Variants in C3orf70 observed in about 807,000 individuals in gnomAD.
C3orf70 encodes the protein chromosome 3 open reading frame 70.
C3orf70 carries 15 observed loss-of-function variants against 20.7 expected under a neutral mutation model. That is an observed-to-expected ratio of 0.72 (90% CI 0.48 to 1.11). The LOEUF is 1.11. Ranked by LOEUF, C3orf70 falls within the 50% of genes most tolerant of loss-of-function variation. C3orf70 has a pLI of 0.00. For missense variants in C3orf70, 332 were observed against 317.6 expected (o/e 1.05, Z -0.34); for synonymous variants, 161 against 125.7 (o/e 1.28, Z -1.88).
chr3:185,123,311 A>G (rs746096126), intron 1 of C3orf70, among the ~76,000 whole-genome samples: 36 of 152,020 alleles, frequency 2.4e-4, no homozygotes, highest in Non-Finnish European at 3.4e-4. Flanking sequence ...TTTGTGAAAG[A>G]TAAATTTCTT....
intron 1 of C3orf70, among the ~76,000 whole-genome samples, chr3:185,108,958 T>C (rs1278597533): frequency 6.6e-6 from 1 of 152,214 alleles, no homozygotes; most frequent in African/African-American, 2.4e-5. Flanking sequence ...CCAGCTTCTA[T>C]TAAAACAGAC....
chr3:185,146,062 A>C (rs992949142), intron 1 of C3orf70, among the ~76,000 whole-genome samples: 1 of 151,596 alleles, frequency 6.6e-6, no homozygotes, highest in Non-Finnish European at 1.5e-5. Flanking sequence ...CTGTCTCTCG[A>C]AGAACCTATC....
At chr3:185,094,596 C>T (rs1715663111) in intron 1 of C3orf70, among the ~76,000 whole-genome samples, 1 of 151,564 alleles carries the variant, frequency 6.6e-6, no homozygotes, top group South Asian at 2.1e-4. Context: ...CCTACAGACA[C>T]GGCTAATTCC....
chr3:185,084,760 C>A (rs775453039), intron 1 of C3orf70, among the ~76,000 whole-genome samples: 3 of 152,148 alleles, frequency 2.0e-5, no homozygotes, highest in Non-Finnish European at 4.4e-5. Flanking sequence ...GCCTCCCACA[C>A]GCTAAGGAAA....
At chr3:185,100,730 C>T (rs548722021) in intron 1 of C3orf70, among the ~76,000 whole-genome samples, 77 of 151,398 alleles carry the variant, frequency 5.1e-4, no homozygotes, top group African/African-American at 1.8e-3. Flanking sequence ...AAAAACCATC[C>T]AAAACCTCAA....
Position 185,103,232 on chromosome 3 carries a change from G to A in C3orf70, c.197-19669C>T, listed in dbSNP as rs1404866969. Among the ~76,000 whole-genome samples the A allele has an allele frequency of 3.9e-5, 6 of 152,130 alleles. No individual in the cohort carries two copies. The East Asian group carries it at 7.7e-4, about 20-fold the overall frequency. On this transcript the variant is annotated intron_variant, in intron 1 of 1. Transcript: ENST00000335012. The stretch of plus-strand genomic sequence containing the variant: ...TGCATACCAGCCTGGGCCACAGAGT[G>A]AGGCTCTGTCTCAAACAAACCCTGG...
rs1715347746 is a variant in C3orf70, at chr3:185,081,937, A to G, written c.*1070T>C. On this transcript the variant is annotated 3_prime_UTR_variant, in exon 2 of 2. Transcript: ENST00000335012. ...TGAAGCAGAATTAATCAAACCTATTAGATTCAGTCCTAATCCCTAAAGGGC... is the reference window on the plus strand; with the variant it reads ...TGAAGCAGAATTAATCAAACCTATTGGATTCAGTCCTAATCCCTAAAGGGC... The G allele has an allele frequency of 6.6e-6, 1 of 152,624 alleles. No homozygotes were observed. Among genetic ancestry groups the G allele is most frequent in the African/African-American group, 2.4e-5 (1 of 41,472 alleles). The allele number at this position is 152,624 out of a possible 1,614,324, so 9.5% of individuals were successfully genotyped here.
At chr3:185,106,382 T>C (rs183631458) in intron 1 of C3orf70, among the ~76,000 whole-genome samples, 7,878 of 152,156 alleles carry the variant, frequency 0.052, 660 homozygotes, top group African/African-American at 0.18. Flanking sequence ...TGAGAGTGGA[T>C]AAAGGAAATA....
At chr3:185,088,224 A>T (rs1174356910) in intron 1 of C3orf70, among the ~76,000 whole-genome samples, 2 of 152,178 alleles carry the variant, frequency 1.3e-5, no homozygotes, top group East Asian at 3.9e-4. Context: ...CTTTTAAATT[A>T]GTATAATTCA....
At chr3:185,136,561 A>G in intron 1 of C3orf70, among the ~76,000 whole-genome samples, 1 of 13,068 alleles carries the variant, frequency 7.7e-5, no homozygotes, top group African/African-American at 6.9e-4. Context: ...TCTACTAAAA[A>G]TAAAAAAATT....
Position 185,082,883 on chromosome 3 carries a change from CGGTTGTTGGTTGGAGCGGGGCGGGGTG to C in C3orf70, c.*97_*123del. On this transcript the variant is annotated 3_prime_UTR_variant, in exon 2 of 2. Transcript: ENST00000335012. ...TAATCAGCATACCACTGAACTGCTA[CGGTTGTTGGTTGGAGCGGGGCGGGGTG>C]GGTAGAAAATATCAACAGCATTGGA... is the stretch of plus-strand genomic sequence containing the variant. The C allele has an allele frequency of 1.2e-6, 1 of 863,178 alleles. No individual in the cohort carries two copies. Among genetic ancestry groups the C allele is most frequent in the Non-Finnish European group, 1.8e-6 (1 of 545,000 alleles). 53.5% of individuals were successfully genotyped at this position (863,178 alleles called of 1,614,324 possible). A position where few individuals can be genotyped will look rare whatever the true frequency, so the allele number is the denominator to read the frequency against.
intron 1 of C3orf70, among the ~76,000 whole-genome samples, chr3:185,135,796 C>T (rs55985138): frequency 0.06 from 9,018 of 150,742 alleles, 375 homozygotes; most frequent in South Asian, 0.11. Context: ...AAAATTAAAT[C>T]GAATTTTTAA....
rs55921240 is a variant in C3orf70 at position 185,120,033 on chromosome 3, A to AAAAAAAAGAAAAGGAAAG, written c.196+32594_196+32595insCTTTCCTTTTCTTTTTTT. Among the ~76,000 whole-genome samples the AAAAAAAAGAAAAGGAAAG allele has an allele frequency of 6.0e-5, 6 of 100,784 alleles. 1 individual carries two copies. Among genetic ancestry groups the AAAAAAAAGAAAAGGAAAG allele is most frequent in the Non-Finnish European group, 8.9e-5 (5 of 56,132 alleles). 66.1% of individuals were successfully genotyped at this position (100,784 alleles called of 152,430 possible). On this transcript the variant is annotated intron_variant, in intron 1 of 1. Coordinates refer to ENST00000335012, the MANE Select transcript of C3orf70 (RefSeq NM_001025266.3). ...CTAGACTCTGTCTCAAAAAAAAAAAAAAAAAGAAAAAGAAAAAAGTGTCTT... is the reference window on the plus strand; with the variant it reads ...CTAGACTCTGTCTCAAAAAAAAAAAAAAAAAAAGAAAAGGAAAGAAAAAGAAAAAGAAAAAAGTGTCTT...
At position 185,152,744 on chromosome 3, in the gene C3orf70, C is replaced by G. The variant is rs1394921620; in HGVS notation, c.80G>C (p.Ser27Thr). Residue 27 changes from serine (S) to threonine (T), a missense_variant, in exon 1 of 2, where the codon AGT becomes ACT. Coordinates refer to ENST00000335012, the MANE Select transcript of C3orf70 (RefSeq NM_001025266.3). ...GAAGTCGGGTCTGCGGGCGGCGCAA[C>G]TCCGCGCCAGGGCCTGAGCCTCATC... The part of the protein sequence containing the change: ...KLDEAQALAR[S>T]CAARRPDFQP... 5.0e-6 allele frequency: 8 copies of G among 1,594,420 alleles called. No homozygotes were observed. Among genetic ancestry groups the G allele is most frequent in the Non-Finnish European group, 6.8e-6 (8 of 1,171,130 alleles).
chr3:185,149,729 G>A (rs533372538), intron 1 of C3orf70, among the ~76,000 whole-genome samples: 1 of 152,206 alleles, frequency 6.6e-6, no homozygotes, highest in Non-Finnish European at 1.5e-5. Context: ...GCACCTAGCT[G>A]CTTTAAATGA....
intron 1 of C3orf70, among the ~76,000 whole-genome samples, chr3:185,101,507 G>C (rs1453289554): frequency 2.0e-5 from 3 of 152,202 alleles, no homozygotes; most frequent in Non-Finnish European, 2.9e-5. Context: ...GTAATTTACA[G>C]AGAAAAGAGG....
chr3:185,092,808 T>C (rs989730093), intron 1 of C3orf70, among the ~76,000 whole-genome samples: 1 of 151,808 alleles, frequency 6.6e-6, no homozygotes, highest in Non-Finnish European at 1.5e-5. Flanking sequence ...CTGGCCAACA[T>C]GGTGAAACCC....
intron 1 of C3orf70, among the ~76,000 whole-genome samples, chr3:185,092,232 G>A (rs1011180319): frequency 6.6e-6 from 1 of 151,946 alleles, no homozygotes; most frequent in African/African-American, 2.4e-5. Flanking sequence ...TCAGTATCTG[G>A]TGCACTGTAA....
rs374601081 is a variant in C3orf70 at position 185,152,620 on chromosome 3, C to T, written c.196+8G>A. ...CGGCGGAAGGCGGGAAGACGCGGCT[C>T]GACTTACAGTGACACCATCCTAGGT... is the stretch of plus-strand genomic sequence containing the variant. On this transcript the variant is annotated splice_region_variant and intron_variant, in intron 1 of 1. Transcript: ENST00000335012. 6 of 1,548,460 alleles carry T rather than the reference C, an allele frequency of 3.9e-6. No homozygotes were observed. The highest frequency in any genetic ancestry group is 1.7e-4 in the Middle Eastern group (1 of 5,966).
Sources: allele counts gnomAD v4.1 joint callset (sites outside exome capture counted in the v4.1 genomes callset), GRCh38; gene constraint gnomAD v4.1.1; transcripts MANE v1.5; gene names NCBI Gene and HGNC (gene_info 2026-07-23, HGNC 2026-07-21).